BMPR1B: variants seen among roughly 807,000 people sequenced by gnomAD.
BMPR1B encodes bone morphogenetic protein receptor type 1B.
BMPR1B carries 12 observed loss-of-function variants against 59.1 expected under a neutral mutation model. That is an observed-to-expected ratio of 0.20 (90% CI 0.13 to 0.33). The LOEUF is 0.33. Among genes scored for constraint, BMPR1B ranks in the 10% least tolerant of loss-of-function variants. The probability of loss-of-function intolerance (pLI) is 1.00; values close to 1 mark genes in which losing one functional copy is unlikely to be tolerated. For missense variants in BMPR1B, 550 were observed against 610.9 expected, an observed-to-expected ratio of 0.90 and a Z score of 1.05; for synonymous variants, 237 against 207.3, an observed-to-expected ratio of 1.14 and a Z score of -1.23.
rs1012974246 is a variant in BMPR1B at position 95,158,298 on chromosome 4, T to C, written c.*3625T>C. 1 of 152,190 alleles carries C rather than the reference T, an allele frequency of 6.6e-6. No individual in the cohort carries two copies. The highest frequency in any genetic ancestry group is 1.5e-5 in the Non-Finnish European group (1 of 68,030). The allele number at this position is 152,190 out of a possible 1,614,324, so 9.4% of individuals were successfully genotyped here. ...TCACAAGAAGACTCATTTGTTCTTT[T>C]GGGGGAACCAGTGCCTTACAGATTT... On this transcript the variant is annotated 3_prime_UTR_variant, in exon 13 of 13. Transcript: ENST00000515059.
At chr4:94,882,138 T>C (rs1314349633) in intron 2 of BMPR1B, among the ~76,000 whole-genome samples, 1 of 152,008 alleles carries the variant, frequency 6.6e-6, no homozygotes, top group African/African-American at 2.4e-5. Flanking sequence ...GTTTTTTTCT[T>C]TTTTTTTCCA....
chr4:95,048,636 T>A (rs1236821565), intron 3 of BMPR1B, among the ~76,000 whole-genome samples: 1 of 152,222 alleles, frequency 6.6e-6, no homozygotes, highest in African/African-American at 2.4e-5. Flanking sequence ...TGCCCACTTT[T>A]TAATGCGATT....
At chr4:94,832,628 C>G (rs561678823) in intron 1 of BMPR1B, among the ~76,000 whole-genome samples, 3 of 151,790 alleles carry the variant, frequency 2.0e-5, no homozygotes, top group Non-Finnish European at 4.4e-5. Context: ...ACTAAAAATA[C>G]AAAAATCAGC....
In BMPR1B at chr4:95,148,176, T is replaced by C. The variant is rs181582275; in HGVS notation, c.1077-572T>C. 1.2e-3 allele frequency among the ~76,000 whole-genome samples: 184 copies of C among 152,326 alleles called. 1 individual carries two copies. Among genetic ancestry groups the C allele is most frequent in the Non-Finnish European group, 1.9e-3 (127 of 68,020 alleles). ...TCTCTCCTTCTCCCCTTTTGAAACC[T>C]GTTTATAGATCTAAGAGCTTTACAA... On this transcript the variant is annotated intron_variant, in intron 10 of 12. Transcript: ENST00000515059.
In BMPR1B at chr4:95,029,013, CTTATCTG is replaced by C. The variant is rs1470094495; in HGVS notation, c.-18+32881_-18+32887del. ...TATATCACGATAATTGAAATGATCT[CTTATCTG>C]TGTCTCGCCACTAGCCTTTCAAGTT... On this transcript the variant is annotated intron_variant, in intron 3 of 12. Coordinates refer to ENST00000515059, the MANE Select transcript of BMPR1B (RefSeq NM_001203.3). Among the ~76,000 whole-genome samples the C allele has an allele frequency of 3.6e-5, 5 of 137,148 alleles. No homozygotes were observed. In the East Asian group the frequency reaches 9.7e-4, roughly 26 times the overall value. 90.0% of individuals were successfully genotyped at this position (137,148 alleles called of 152,430 possible). A position where few individuals can be genotyped will look rare whatever the true frequency, so the allele number is the denominator to read the frequency against.
At chr4:94,994,687 A>C (rs1255382345) in intron 2 of BMPR1B, among the ~76,000 whole-genome samples, 1 of 144,638 alleles carries the variant, frequency 6.9e-6, no homozygotes, top group African/African-American at 2.4e-5. Context: ...GTTAATTCTT[A>C]TGTGTAACTT....
At chr4:94,879,429 G>A (rs2148977177) in intron 2 of BMPR1B, among the ~76,000 whole-genome samples, 1 of 152,142 alleles carries the variant, frequency 6.6e-6, no homozygotes, top group Non-Finnish European at 1.5e-5. Flanking sequence ...GGCTAGACCT[G>A]GTGTCTATAA....
At chr4:94,948,824 C>T (rs545388155) in intron 2 of BMPR1B, among the ~76,000 whole-genome samples, 68 of 152,116 alleles carry the variant, frequency 4.5e-4, no homozygotes, top group South Asian at 3.9e-3. Flanking sequence ...CCTGGCTTTG[C>T]GTATAGATAG....
chr4:94,940,206 A>C (rs756227733), intron 2 of BMPR1B, among the ~76,000 whole-genome samples: 1 of 152,248 alleles, frequency 6.6e-6, no homozygotes, highest in Non-Finnish European at 1.5e-5. Context: ...GCTTATGGCA[A>C]GCTTGTCCAA....
At chr4:94,776,186 T>C (rs1722363186) in intron 1 of BMPR1B, among the ~76,000 whole-genome samples, 1 of 152,170 alleles carries the variant, frequency 6.6e-6, no homozygotes, top group Admixed American at 6.5e-5. Context: ...TCCTCACTAT[T>C]TCCTCTGTAT....
intron 1 of BMPR1B, among the ~76,000 whole-genome samples, chr4:94,816,149 T>G (rs1424896154): frequency 6.6e-6 from 1 of 152,148 alleles, no homozygotes; most frequent in Non-Finnish European, 1.5e-5. Flanking sequence ...GCTAGAGTTT[T>G]TATTTATTTA....
intron 3 of BMPR1B, among the ~76,000 whole-genome samples, chr4:95,002,068 A>T (rs1722488220): frequency 6.6e-6 from 1 of 152,060 alleles, no homozygotes; most frequent in Non-Finnish European, 1.5e-5. Context: ...TTGGAATACA[A>T]ATGATCCCAT....
chr4:95,001,352 G>A (rs1722429635), intron 3 of BMPR1B, among the ~76,000 whole-genome samples: 3 of 152,082 alleles, frequency 2.0e-5, no homozygotes, highest in Non-Finnish European at 4.4e-5. Context: ...ATTCCTGGAA[G>A]AATTAAGATG....
chr4:94,822,394 C>T (rs1724238952), intron 1 of BMPR1B, among the ~76,000 whole-genome samples: 1 of 152,164 alleles, frequency 6.6e-6, no homozygotes, highest in Admixed American at 6.5e-5. Flanking sequence ...TGAATGTTTA[C>T]AGTCCAGAGC....
intron 2 of BMPR1B, among the ~76,000 whole-genome samples, chr4:94,894,932 A>T (rs1377228857): frequency 6.6e-6 from 1 of 151,922 alleles, no homozygotes; most frequent in Non-Finnish European, 1.5e-5. Context: ...TAAATTCATG[A>T]TGAAACTACT....
intron 4 of BMPR1B, among the ~76,000 whole-genome samples, chr4:95,111,947 C>T (rs1192051703): frequency 1.3e-5 from 2 of 152,060 alleles, no homozygotes; most frequent in African/African-American, 4.8e-5. Flanking sequence ...TTCATGCAGT[C>T]TTTAAATTCT....
chr4:95,068,038 T>C (rs7688238), intron 3 of BMPR1B, among the ~76,000 whole-genome samples: 70,334 of 151,942 alleles, frequency 0.46, 16,685 homozygotes, highest in East Asian at 0.69. Flanking sequence ...ATGGCACTGC[T>C]GGAGAACTGC....
intron 3 of BMPR1B, among the ~76,000 whole-genome samples, chr4:95,065,387 A>G (rs1000908360): frequency 2.6e-5 from 4 of 152,192 alleles, no homozygotes; most frequent in African/African-American, 9.6e-5. Context: ...GCATAACTCT[A>G]TGCCTATATT....
At chr4:94,882,437 C>T (rs1727009753) in intron 2 of BMPR1B, among the ~76,000 whole-genome samples, 1 of 152,210 alleles carries the variant, frequency 6.6e-6, no homozygotes, top group Non-Finnish European at 1.5e-5. Context: ...AAATATTTAG[C>T]TGAAAATTGT....
Sources: gnomAD v4.1 joint callset for allele counts (sites outside exome capture counted in the v4.1 genomes callset) on GRCh38, gnomAD v4.1.1 for gene constraint, MANE v1.5 for transcripts, NCBI Gene and HGNC (gene_info 2026-07-23, HGNC 2026-07-21) for gene names.